YKT6: variants seen among roughly 807,000 people sequenced by gnomAD.
The protein encoded by YKT6 is synaptobrevin homolog YKT6.
A neutral mutation model predicts 29.3 loss-of-function variants in YKT6; 12 were observed. That is an observed-to-expected ratio of 0.41 (90% CI 0.26 to 0.66). YKT6 has a LOEUF of 0.66. YKT6 is among the 30% of genes least tolerant of loss of function. YKT6 has a pLI of 0.32. For missense variants in YKT6, 188 were observed against 243.8 expected, an observed-to-expected ratio of 0.77 and a Z score of 1.52; for synonymous variants, 86 against 94.3, an observed-to-expected ratio of 0.91 and a Z score of 0.51.
chr7:44,208,344 C>A, intron 5 of YKT6, 146 bp downstream of exon 5: 1 of 797,728 alleles, frequency 1.3e-6, no homozygotes, highest in Admixed American at 2.2e-5. Flanking sequence ...CCTTCCCCCA[C>A]CCCGGGCATC....
chr7:44,213,064 G>A lies in YKT6; in HGVS notation c.*782G>A, dbSNP rs547697688. On this transcript the variant is annotated 3_prime_UTR_variant, in exon 7 of 7. Transcript: ENST00000223369. Reference sequence around the variant, plus strand: ...CAGGAAAGGGGGATGTTTTCCTGGTGTTTGGATGGTCAGCTGGGAGTGTCC... The same window carrying A: ...CAGGAAAGGGGGATGTTTTCCTGGTATTTGGATGGTCAGCTGGGAGTGTCC... The A allele has an allele frequency of 1.3e-5, 2 of 152,260 alleles. No individual in the cohort carries two copies. The highest frequency in any genetic ancestry group is 4.8e-5 in the African/African-American group (2 of 41,448). The allele number at this position is 152,260 out of a possible 1,614,324, so 9.4% of individuals were successfully genotyped here.
At chr7:44,209,471 C>G (rs776342180) in intron 5 of YKT6, among the ~76,000 whole-genome samples, 3 of 152,194 alleles carry the variant, frequency 2.0e-5, no homozygotes, top group Non-Finnish European at 4.4e-5. Context: ...TTGCTCAAGT[C>G]CTAGTCTGAG....
At chr7:44,208,954 G>C (rs765829444) in intron 5 of YKT6, among the ~76,000 whole-genome samples, 5 of 152,152 alleles carry the variant, frequency 3.3e-5, no homozygotes, top group African/African-American at 7.2e-5. Flanking sequence ...ACAGTCTCCT[G>C]ACTGGGCCCT....
chr7:44,207,579 C>T, intron 4 of YKT6, 87 bp downstream of exon 4: 1 of 1,114,590 alleles, frequency 9.0e-7, no homozygotes, highest in Non-Finnish European at 1.3e-6. Flanking sequence ...TAGTTCTGGT[C>T]TAATTACTTC....
At chr7:44,204,088 C>T (rs931108200) in intron 1 of YKT6, among the ~76,000 whole-genome samples, 3 of 152,234 alleles carry the variant, frequency 2.0e-5, no homozygotes, top group Non-Finnish European at 2.9e-5. Context: ...TGAGCCAGCA[C>T]TCACTATGGG....
intron 1 of YKT6, among the ~76,000 whole-genome samples, chr7:44,203,357 G>A (rs754693931): frequency 4.6e-5 from 7 of 152,220 alleles, no homozygotes; most frequent in Non-Finnish European, 1.0e-4. Flanking sequence ...GCCTCCCAAA[G>A]TGCTAGGATT....
At chr7:44,206,219 G>A (rs2096340671) in intron 2 of YKT6, among the ~76,000 whole-genome samples, 166 bp from the exon 3 acceptor site, 1 of 152,218 alleles carries the variant, frequency 6.6e-6, no homozygotes, top group African/African-American at 2.4e-5. Flanking sequence ...CCTGTGTGTG[G>A]CCCATTGGGC....
chr7:44,207,405 C>T lies in YKT6; in HGVS notation c.306C>T (p.Ser102=). Residue 102 remains serine (S), a synonymous_variant, in exon 4 of 7, where the codon TCC becomes TCT. Coordinates refer to ENST00000223369, the MANE Select transcript of YKT6 (RefSeq NM_006555.4). Reference sequence around the variant, plus strand: ...TCTTGCAGGTACTAGATGAATTCTCCAAGCAAGTCGACAGGATAGACTGGC... The same window carrying T: ...TCTTGCAGGTACTAGATGAATTCTCTAAGCAAGTCGACAGGATAGACTGGC... ...TLLEKVLDEF[S]KQVDRIDWPV... is the part of the protein sequence containing the mutation. The T allele has an allele frequency of 6.2e-7, 1 of 1,613,998 alleles. No individual in the cohort carries two copies. Among genetic ancestry groups the T allele is most frequent in the Non-Finnish European group, 8.5e-7 (1 of 1,179,934 alleles).
In YKT6 at chr7:44,204,967, C is replaced by T. The variant is rs567722368; in HGVS notation, c.187+317C>T. Among the ~76,000 whole-genome samples the T allele has an allele frequency of 2.0e-5, 3 of 152,368 alleles. No individual in the cohort carries two copies. The South Asian group carries it at 6.2e-4, about 32-fold the overall frequency. On this transcript the variant is annotated intron_variant, in intron 2 of 6. Coordinates refer to ENST00000223369, the MANE Select transcript of YKT6 (RefSeq NM_006555.4). ...AGACCCCTCAAAAAAGGATTTCCAG[C>T]TAGCACTGTTGAGGTACTATATGTA...
intron 2 of YKT6, among the ~76,000 whole-genome samples, chr7:44,205,858 C>T (rs1336937821): frequency 3.3e-5 from 5 of 152,224 alleles, no homozygotes; most frequent in African/African-American, 1.2e-4. Context: ...TACTCCCAGT[C>T]ACCCACCAGA....
rs772944817 is a variant in YKT6 at position 44,208,188 on chromosome 7, A to C, written c.449A>C (p.Lys150Thr). 2.5e-6 allele frequency: 4 copies of C among 1,613,934 alleles called. No individual in the cohort carries two copies. The highest frequency in any genetic ancestry group is 3.4e-6 in the Non-Finnish European group (4 of 1,179,980). The change falls in exon 5 of 7, where the codon AAA (lysine) becomes ACA (threonine). Residue 150 changes from lysine to threonine, a missense_variant. Transcript: ENST00000223369. The part of the protein sequence containing the change: ...TKVQAELDET[K>T]IILHNTMESL... ...GTGCAGGCCGAACTAGATGAGACCA[A>C]AATCATTCTGGTAAGCAGGAAGATG...
At position 44,206,404 on chromosome 7, in the gene YKT6, C is replaced by T. The variant is rs772265453; in HGVS notation, c.207C>T (p.Tyr69=). Residue 69 remains tyrosine, a synonymous_variant, in exon 3 of 7, where the codon TAC becomes TAT. Coordinates refer to ENST00000223369, the MANE Select transcript of YKT6 (RefSeq NM_006555.4). ...VKEQDYLCHV[Y]VRNDSLAGVV... is the part of the protein sequence containing the mutation. ...CCTTAGACTATCTGTGCCACGTCTA[C>T]GTCCGGAATGATAGTCTTGCAGGTG... The T allele has an allele frequency of 1.9e-5, 30 of 1,614,112 alleles. No individual in the cohort carries two copies. The Admixed American group carries it at 2.0e-4, about 11-fold the overall frequency.
rs561202375 is a variant in YKT6 at position 44,212,970 on chromosome 7, A to G, written c.*688A>G. 6.6e-6 allele frequency: 1 copy of G among 152,326 alleles called. No homozygotes were observed. The highest frequency in any genetic ancestry group is 1.9e-4 in the East Asian group (1 of 5,168). The allele number at this position is 152,326 out of a possible 1,614,324, so 9.4% of individuals were successfully genotyped here. Reference sequence around the variant, plus strand: ...AAGGTGGCTTGTGGGAGGATTTGGAAGGAGCTGCATTGTGGGCGGGGAGTG... The same window carrying G: ...AAGGTGGCTTGTGGGAGGATTTGGAGGGAGCTGCATTGTGGGCGGGGAGTG... On this transcript the variant is annotated 3_prime_UTR_variant, in exon 7 of 7. Transcript: ENST00000223369.
intron 6 of YKT6, chr7:44,211,656 G>A (rs977278624): frequency 6.0e-6 from 6 of 993,478 alleles, no homozygotes; most frequent in Admixed American, 1.1e-4. Flanking sequence ...CCCATGGTTG[G>A]ATAGTCATAG....
intron 4 of YKT6, 40 bp from the exon 5 acceptor site, chr7:44,208,093 C>A: frequency 6.2e-7 from 1 of 1,602,814 alleles, no homozygotes; most frequent in Non-Finnish European, 8.5e-7. Flanking sequence ...TGCAGGTAGC[C>A]ACTCCAGTCC....
chr7:44,207,328 T>C, intron 3 of YKT6, 60 bp from the exon 4 acceptor site: 1 of 1,488,086 alleles, frequency 6.7e-7, no homozygotes, highest in Non-Finnish European at 9.3e-7. Flanking sequence ...TGAAGCCCTG[T>C]CATTGAGACC....
At position 44,213,404 on chromosome 7, in the gene YKT6, G is replaced by C. The variant is rs11540054; in HGVS notation, c.*1122G>C. 7,894 of 152,418 alleles carry C rather than the reference G, an allele frequency of 0.052. 242 individuals carry two copies. The highest frequency in any genetic ancestry group is 0.064 in the Non-Finnish European group (4,346 of 68,110). The allele number at this position is 152,418 out of a possible 1,614,324, so 9.4% of individuals were successfully genotyped here. A position where few individuals can be genotyped will look rare whatever the true frequency, so the allele number is the denominator to read the frequency against. The stretch of plus-strand genomic sequence containing the variant: ...TTCTTGGTCAGAGGTAGCTGCAGAG[G>C]GGGGAGGCCAAGGGTTTGGTCTAAG... On this transcript the variant is annotated 3_prime_UTR_variant, in exon 7 of 7. Transcript: ENST00000223369.
intron 2 of YKT6, among the ~76,000 whole-genome samples, chr7:44,206,119 T>C (rs558670356): frequency 1.3e-5 from 2 of 152,304 alleles, no homozygotes; most frequent in South Asian, 4.1e-4. Context: ...GGGTGTGTTT[T>C]CTGCACCACT....
chr7:44,202,464 A>G (rs2096336842), intron 1 of YKT6, among the ~76,000 whole-genome samples: 1 of 152,204 alleles, frequency 6.6e-6, no homozygotes, highest in Non-Finnish European at 1.5e-5. Context: ...GGCAACTGCC[A>G]TTCTAATTTG....
Sources: gnomAD v4.1 joint callset for allele counts (sites outside exome capture counted in the v4.1 genomes callset) on GRCh38, gnomAD v4.1.1 for gene constraint, MANE v1.5 for transcripts, NCBI Gene and HGNC (gene_info 2026-07-23, HGNC 2026-07-21) for gene names.